CCSER1: variants seen among roughly 807,000 people sequenced by gnomAD.
CCSER1 encodes the protein serine-rich coiled-coil domain-containing protein 1.
CCSER1 carries 41 observed loss-of-function variants against 82.0 expected under a neutral mutation model. That is an observed-to-expected ratio of 0.50 (90% confidence interval 0.39 to 0.65). The LOEUF (loss-of-function observed/expected upper bound fraction) is 0.65, where lower values mean the gene tolerates loss of function less well. CCSER1 is among the 30% of genes least tolerant of loss of function. The pLI, the probability that CCSER1 is intolerant of heterozygous loss-of-function variation, is 0.00. For synonymous variants in CCSER1, 414 were observed against 383.9 expected (o/e 1.08, Z -0.92); for missense variants, 1,119 against 1,064.2 (o/e 1.05, Z -0.72).
chr4:91,043,705 C>T lies in CCSER1; in HGVS notation c.2173-42245C>T, dbSNP rs151304127. Among the ~76,000 whole-genome samples, 412 of 150,914 alleles carry T rather than the reference C, an allele frequency of 2.7e-3. 1 individual carries two copies. The highest frequency in any genetic ancestry group is 9.4e-3 in the African/African-American group (388 of 41,162). On this transcript the variant is annotated intron_variant, in intron 9 of 10. Transcript: ENST00000509176. ...TCCCGGGTTCATGCGATTCTCCTGC[C>T]TCAGCCTCCCGAGTAACTGGGATCA...
chr4:91,095,248 G>T (rs75787709), intron 10 of CCSER1, among the ~76,000 whole-genome samples: 1 of 152,148 alleles, frequency 6.6e-6, no homozygotes, highest in African/African-American at 2.4e-5. Context: ...GTCTTTTGCT[G>T]TGCGTCACCT....
chr4:91,272,076 T>A (rs1229397145), intron 10 of CCSER1, among the ~76,000 whole-genome samples: 2 of 152,246 alleles, frequency 1.3e-5, no homozygotes, highest in Non-Finnish European at 2.9e-5. Context: ...TAAACGTGTG[T>A]ACAAGTATCT....
In CCSER1 at chr4:90,154,787, A is replaced by G. The variant is rs548668024; in HGVS notation, c.-42+26956A>G. Among the ~76,000 whole-genome samples the G allele has an allele frequency of 5.5e-3, 821 of 149,124 alleles. 4 individuals are homozygous for G. The highest frequency in any genetic ancestry group is 0.019 in the African/African-American group (771 of 40,464). ...GCTTAAGGAGATTTTGGGCTGAGAC[A>G]ATGGGGTTTTCTAGATATACAATCA... On this transcript the variant is annotated intron_variant, in intron 1 of 10. Transcript: ENST00000509176.
chr4:90,140,441 TC>T (rs1235278781), intron 1 of CCSER1, among the ~76,000 whole-genome samples: 1 of 152,136 alleles, frequency 6.6e-6, no homozygotes, highest in African/African-American at 2.4e-5. Context: ...ATTACATTCT[TC>T]TTTGACAAAG....
chr4:90,542,919 C>T (rs928422504), intron 5 of CCSER1, among the ~76,000 whole-genome samples: 1 of 152,016 alleles, frequency 6.6e-6, no homozygotes, highest in Non-Finnish European at 1.5e-5. Flanking sequence ...AAGGAATTTA[C>T]TAAAATTATT....
At chr4:91,509,719 T>G (rs893331838) in intron 10 of CCSER1, among the ~76,000 whole-genome samples, 10 of 152,190 alleles carry the variant, frequency 6.6e-5, no homozygotes, top group Non-Finnish European at 5.9e-5. Context: ...TCAGTTTTTT[T>G]GTCTAATATT....
At chr4:90,483,123 G>A (rs1387880001) in intron 5 of CCSER1, among the ~76,000 whole-genome samples, 1 of 152,162 alleles carries the variant, frequency 6.6e-6, no homozygotes, top group Non-Finnish European at 1.5e-5. Flanking sequence ...TTACCATTAT[G>A]TAATGGCCTT....
intron 1 of CCSER1, among the ~76,000 whole-genome samples, chr4:90,278,818 CT>C (rs1728386077): frequency 6.6e-6 from 1 of 151,948 alleles, no homozygotes; most frequent in Non-Finnish European, 1.5e-5. Context: ...CATATACCCC[CT>C]GATTCTAAAA....
At position 91,364,792 on chromosome 4, in the gene CCSER1, G is replaced by T. The variant is rs116284260; in HGVS notation, c.2218-233780G>T. On this transcript the variant is annotated intron_variant, in intron 10 of 10. Coordinates refer to ENST00000509176, the MANE Select transcript of CCSER1 (RefSeq NM_001145065.2). Reference sequence around the variant, plus strand: ...AAATTTTGGAGATATTTATCATAAAGTTGTGGATCTGAGCTAAGTTTAAAG... The same window carrying T: ...AAATTTTGGAGATATTTATCATAAATTTGTGGATCTGAGCTAAGTTTAAAG... Among the ~76,000 whole-genome samples, 937 of 152,116 alleles carry T rather than the reference G, an allele frequency of 6.2e-3. 14 individuals are homozygous for T. Among genetic ancestry groups the T allele is most frequent in the African/African-American group, 0.021 (875 of 41,522 alleles).
chr4:91,012,643 G>A (rs542950962), intron 9 of CCSER1, among the ~76,000 whole-genome samples: 1 of 130,042 alleles, frequency 7.7e-6, no homozygotes, highest in African/African-American at 2.5e-5. Flanking sequence ...AAGCCTCAAG[G>A]GTAGAAGGGT....
intron 6 of CCSER1, among the ~76,000 whole-genome samples, chr4:90,720,155 T>C (rs1742416955): frequency 6.6e-6 from 1 of 152,160 alleles, no homozygotes; most frequent in South Asian, 2.1e-4. Flanking sequence ...CCCTGTTCTT[T>C]TGTTTTTTGA....
At chr4:91,149,995 G>A (rs1281968035) in intron 10 of CCSER1, among the ~76,000 whole-genome samples, 1 of 152,144 alleles carries the variant, frequency 6.6e-6, no homozygotes, top group East Asian at 1.9e-4. Context: ...CTTTAAAGTA[G>A]TTTTTTCCAA....
intron 5 of CCSER1, among the ~76,000 whole-genome samples, chr4:90,481,720 C>T (rs947329347): frequency 1.3e-5 from 2 of 152,136 alleles, no homozygotes; most frequent in African/African-American, 4.8e-5. Context: ...GGGATGAAGC[C>T]CACTTGATCA....
At chr4:90,295,142 A>G (rs1184553494) in intron 1 of CCSER1, among the ~76,000 whole-genome samples, 1 of 151,992 alleles carries the variant, frequency 6.6e-6, no homozygotes, top group Non-Finnish European at 1.5e-5. Flanking sequence ...TATTTTCACT[A>G]CAATAAGCCT....
At chr4:90,396,873 A>G (rs1046953805) in intron 3 of CCSER1, among the ~76,000 whole-genome samples, 3 of 151,896 alleles carry the variant, frequency 2.0e-5, no homozygotes, top group African/African-American at 2.4e-5. Context: ...AGCATTATTT[A>G]TTAATAGATA....
At chr4:90,289,376 GT>G (rs1730504208) in intron 1 of CCSER1, among the ~76,000 whole-genome samples, 1 of 151,744 alleles carries the variant, frequency 6.6e-6, no homozygotes, top group African/African-American at 2.4e-5. Context: ...AGTTATTTTA[GT>G]AAAAAGATAA....
At chr4:91,311,803 C>T (rs1406320) in intron 10 of CCSER1, among the ~76,000 whole-genome samples, 1 of 151,694 alleles carries the variant, frequency 6.6e-6, no homozygotes, top group African/African-American at 2.4e-5. Context: ...ACAATTAATC[C>T]AGGAATGCAC....
intron 9 of CCSER1, among the ~76,000 whole-genome samples, chr4:90,940,347 C>G (rs1465439895): frequency 6.7e-6 from 1 of 149,276 alleles, no homozygotes; most frequent in Admixed American, 6.8e-5. Context: ...TCCTTTTATT[C>G]TTTCCTTGTA....
At chr4:90,271,929 C>T (rs1331639124) in intron 1 of CCSER1, among the ~76,000 whole-genome samples, 2 of 133,824 alleles carry the variant, frequency 1.5e-5, no homozygotes, top group African/African-American at 2.8e-5. Context: ...TAGATGACTC[C>T]GGAGGCTTCA....
Sources: gnomAD v4.1 joint callset for allele counts (sites outside exome capture counted in the v4.1 genomes callset) on GRCh38, gnomAD v4.1.1 for gene constraint, MANE v1.5 for transcripts, NCBI Gene and HGNC (gene_info 2026-07-23, HGNC 2026-07-21) for gene names.